The following MAGI3 variants were observed in gnomAD, a reference collection of about 807,000 sequenced individuals.
The protein encoded by MAGI3 is membrane associated guanylate kinase, WW and PDZ domain containing 3.
A neutral mutation model predicts 121.8 loss-of-function variants in MAGI3; 43 were observed. The ratio of observed to expected loss-of-function variants is 0.35; its 90% CI spans 0.28 to 0.46. MAGI3 has a LOEUF of 0.46. MAGI3 is among the 20% of genes least tolerant of loss of function. The pLI is 1.00. For missense variants in MAGI3, 1,547 were observed against 1,797.3 expected, an observed-to-expected ratio of 0.86 and a Z score of 2.52; for synonymous variants, 553 against 639.3, an observed-to-expected ratio of 0.86 and a Z score of 2.04.
At chr1:113,620,300 A>G (rs990677274) in intron 8 of MAGI3, among the ~76,000 whole-genome samples, 14 of 152,176 alleles carry the variant, frequency 9.2e-5, no homozygotes, top group African/African-American at 3.4e-4. Context: ...TAGTAACATC[A>G]GATTCATTTA....
intron 16 of MAGI3, among the ~76,000 whole-genome samples, chr1:113,666,441 C>T (rs1411001548): frequency 6.6e-6 from 1 of 152,134 alleles, no homozygotes; most frequent in African/African-American, 2.4e-5. Flanking sequence ...CTCAAGAAGC[C>T]ACTTCTTTGC....
intron 1 of MAGI3, among the ~76,000 whole-genome samples, chr1:113,437,860 C>G (rs1557757036): frequency 4.3e-5 from 2 of 47,016 alleles, no homozygotes; most frequent in Non-Finnish European, 8.1e-5. Flanking sequence ...TCTTCTTCTT[C>G]TTCCTCTTCT....
chr1:113,615,311 AT>A (rs546119611), intron 7 of MAGI3, among the ~76,000 whole-genome samples: 224 of 152,178 alleles, frequency 1.5e-3, no homozygotes, highest in African/African-American at 5.3e-3. Context: ...GACCATTGGG[AT>A]TGCTTTCTTT....
At chr1:113,550,307 T>A (rs1246940370) in intron 2 of MAGI3, among the ~76,000 whole-genome samples, 2 of 150,570 alleles carry the variant, frequency 1.3e-5, no homozygotes, top group Admixed American at 1.3e-4. Context: ...TCCCAGCTAC[T>A]CAGGAGGCTG....
chr1:113,597,551 A>G (rs1034156337), intron 6 of MAGI3, among the ~76,000 whole-genome samples: 6 of 152,216 alleles, frequency 3.9e-5, no homozygotes, highest in African/African-American at 1.4e-4. Context: ...CAAGAAGAAC[A>G]TGAAGAGGTG....
chr1:113,671,951 C>A (rs773849770), intron 17 of MAGI3, 115 bp downstream of exon 17: 9 of 914,956 alleles, frequency 9.8e-6, no homozygotes, highest in Non-Finnish European at 1.4e-5. Flanking sequence ...CAGATGCCAG[C>A]TGTTGAGGTC....
chr1:113,436,419 A>G (rs1653569526), intron 1 of MAGI3, among the ~76,000 whole-genome samples: 1 of 152,214 alleles, frequency 6.6e-6, no homozygotes, highest in Admixed American at 6.5e-5. Context: ...TGGAGATGAT[A>G]CAGAGTAGCT....
chr1:113,634,596 C>T (rs1482533832), intron 9 of MAGI3, among the ~76,000 whole-genome samples: 1 of 152,126 alleles, frequency 6.6e-6, no homozygotes, highest in Non-Finnish European at 1.5e-5. Context: ...TGATCTATAT[C>T]TCTGTTTTGG....
intron 19 of MAGI3, among the ~76,000 whole-genome samples, chr1:113,678,499 T>G (rs1430057836): frequency 6.6e-6 from 1 of 152,340 alleles, no homozygotes; most frequent in East Asian, 1.9e-4. Flanking sequence ...GTTTCTGATA[T>G]TGTCCATTTG....
At position 113,416,269 on chromosome 1, in the gene MAGI3, GTAATTAATT is replaced by G. The variant is rs1557744350; in HGVS notation, c.316+24921_316+24929del. Among the ~76,000 whole-genome samples, 25 of 128,886 alleles carry G rather than the reference GTAATTAATT, an allele frequency of 1.9e-4. 2 individuals are homozygous for G. Among genetic ancestry groups the G allele is most frequent in the African/African-American group, 6.0e-4 (21 of 34,886 alleles). 84.6% of individuals were successfully genotyped at this position (128,886 alleles called of 152,430 possible). On this transcript the variant is annotated intron_variant, in intron 1 of 20. Coordinates refer to ENST00000307546, the MANE Select transcript of MAGI3 (RefSeq NM_001142782.2). Reference sequence around the variant, plus strand: ...GTAATTAATTACACATATTAATTATGTAATTAATTACACATATTAATTATGTAATTAATT... The same window carrying G: ...GTAATTAATTACACATATTAATTATGACACATATTAATTATGTAATTAATT...
chr1:113,445,009 G>A (rs1315076624), intron 1 of MAGI3, among the ~76,000 whole-genome samples: 1 of 152,152 alleles, frequency 6.6e-6, no homozygotes, highest in Middle Eastern at 3.2e-3. Context: ...GCAGAAGAAT[G>A]AATCAGCAAA....
At chr1:113,647,206 T>A (rs2096322) in intron 12 of MAGI3, among the ~76,000 whole-genome samples, 1 of 152,206 alleles carries the variant, frequency 6.6e-6, no homozygotes, top group Admixed American at 6.5e-5. Context: ...ACTTGGGCTC[T>A]GCAAGTAGTT....
Position 113,396,287 on chromosome 1 carries a change from T to TTGTGTGTGTG in MAGI3, c.316+4961_316+4970dup, listed in dbSNP as rs3058309. Among the ~76,000 whole-genome samples the TTGTGTGTGTG allele has an allele frequency of 1.7e-3, 245 of 146,968 alleles. 1 individual carries two copies. Among genetic ancestry groups the TTGTGTGTGTG allele is most frequent in the African/African-American group, 4.0e-3 (159 of 39,846 alleles). On this transcript the variant is annotated intron_variant, in intron 1 of 20. Coordinates refer to ENST00000307546, the MANE Select transcript of MAGI3 (RefSeq NM_001142782.2). ...ATTTCAAAATCTGTGAATGTCAGGG[T>TTGTGTGTGTG]TGTGTGTGTGTGTGTGTGTGTGTGT...
intron 1 of MAGI3, among the ~76,000 whole-genome samples, chr1:113,532,647 A>T (rs1658781029): frequency 1.3e-5 from 2 of 152,176 alleles, no homozygotes; most frequent in South Asian, 2.1e-4. Context: ...TAAATACGAT[A>T]GTATTCTTCA....
At chr1:113,630,542 C>A (rs775576383) in intron 9 of MAGI3, among the ~76,000 whole-genome samples, 2 of 152,174 alleles carry the variant, frequency 1.3e-5, no homozygotes, top group Non-Finnish European at 2.9e-5. Flanking sequence ...ACCATAGTTA[C>A]CACAGCAGGG....
intron 1 of MAGI3, among the ~76,000 whole-genome samples, chr1:113,400,891 C>G (rs1489346439): frequency 6.6e-6 from 1 of 152,260 alleles, no homozygotes; most frequent in East Asian, 1.9e-4. Context: ...ACTTCAGCCT[C>G]CCTTGGGTGA....
At chr1:113,653,678 G>T (rs995705931) in intron 14 of MAGI3, 152 bp from the exon 15 acceptor site, 12 of 577,320 alleles carry the variant, frequency 2.1e-5, no homozygotes, top group Non-Finnish European at 2.9e-5. Flanking sequence ...TCTGCACTCA[G>T]ATTATACCCG....
intron 17 of MAGI3, 117 bp downstream of exon 17, chr1:113,671,953 G>C (rs1571030432): frequency 2.2e-6 from 2 of 913,688 alleles, no homozygotes; most frequent in Non-Finnish European, 3.4e-6. Context: ...GATGCCAGCT[G>C]TTGAGGTCAA....
At position 113,642,010 on chromosome 1, in the gene MAGI3, A is replaced by G; in HGVS notation, c.1460A>G (p.Asn487Ser). The G allele has an allele frequency of 6.2e-7, 1 of 1,614,064 alleles. No individual in the cohort carries two copies. The highest frequency in any genetic ancestry group is 8.5e-7 in the Non-Finnish European group (1 of 1,180,004). The change falls in exon 10 of 21, where the codon AAC becomes AGC. Residue 487 changes from asparagine (N) to serine (S), a missense_variant. Coordinates refer to ENST00000307546, the MANE Select transcript of MAGI3 (RefSeq NM_001142782.2). ...FQLVPVNQYVNLTLCRGYPLP... is the reference protein window; with the variant it reads ...FQLVPVNQYVSLTLCRGYPLP... ...TTGGTACCTGTCAATCAGTATGTAA[A>G]CCTCACTTTATGTCGTGGTTATCCA... is the stretch of plus-strand genomic sequence containing the variant.
Sources: allele counts gnomAD v4.1 joint callset (sites outside exome capture counted in the v4.1 genomes callset), GRCh38; gene constraint gnomAD v4.1.1; transcripts MANE v1.5; gene names NCBI Gene and HGNC (gene_info 2026-07-23, HGNC 2026-07-21).